EDDM13: variants seen among roughly 807,000 people sequenced by gnomAD.
EDDM13 encodes the protein epididymal protein 13.
A neutral mutation model predicts 17.8 loss-of-function variants in EDDM13; 24 were observed. The ratio of observed to expected loss-of-function variants is 1.35; its 90% CI spans 0.98 to 1.90. The LOEUF is 1.90. Among genes scored for constraint, EDDM13 ranks in the 40% most tolerant of loss-of-function variants. The probability of loss-of-function intolerance (pLI) is 0.00; values close to 1 mark genes in which losing one functional copy is unlikely to be tolerated. For missense variants in EDDM13, 97 were observed against 100.8 expected (o/e 0.96, Z 0.16); for synonymous variants, 31 against 37.5 (o/e 0.83, Z 0.63).
In EDDM13 at chr19:56,302,820, G is replaced by A. The variant is rs150178786; in HGVS notation, c.423+725G>A. On this transcript the variant is annotated intron_variant, in intron 13 of 14. Coordinates refer to ENST00000649256, the MANE Select transcript of EDDM13 (RefSeq NM_001354658.2). ...CACTCATTCTGCCTCTCTCTCTGCC[G>A]CTGTCTCTTGTTCTTTCTAAGGGAC... The A allele has an allele frequency of 2.5e-4, 98 of 398,572 alleles. No individual in the cohort carries two copies. The East Asian group carries it at 2.5e-3, about 10-fold the overall frequency. 24.7% of individuals were successfully genotyped at this position (398,572 alleles called of 1,614,324 possible). A position where few individuals can be genotyped will look rare whatever the true frequency, so the allele number is the denominator to read the frequency against.
chr19:56,294,447 C>T (rs1335088671), intron 9 of EDDM13, among the ~76,000 whole-genome samples: 1 of 152,176 alleles, frequency 6.6e-6, no homozygotes, highest in Non-Finnish European at 1.5e-5. Context: ...ATATTTTTTG[C>T]TTGTTTGAGA....
At chr19:56,279,562 G>A (rs1404644508) in intron 2 of EDDM13, among the ~76,000 whole-genome samples, 1 of 152,192 alleles carries the variant, frequency 6.6e-6, no homozygotes, top group Non-Finnish European at 1.5e-5. Context: ...AAAATCGTAA[G>A]TGTCCCATAT....
Position 56,310,451 on chromosome 19 carries a change from T to C in EDDM13, c.*303T>C, listed in dbSNP as rs917120616. The stretch of plus-strand genomic sequence containing the variant: ...ATAATAAAATGTATACTTGTTGAAA[T>C]GGCTGAAAAGGCTGGGTTATTCCAT... On this transcript the variant is annotated 3_prime_UTR_variant, in exon 15 of 15. Coordinates refer to ENST00000649256, the MANE Select transcript of EDDM13 (RefSeq NM_001354658.2). The C allele has an allele frequency of 6.6e-6, 1 of 152,382 alleles. No homozygotes were observed. The highest frequency in any genetic ancestry group is 2.4e-5 in the African/African-American group (1 of 41,600). The allele number at this position is 152,382 out of a possible 1,614,324, so 9.4% of individuals were successfully genotyped here.
chr19:56,276,335 A>C (rs540213515), intron 2 of EDDM13, among the ~76,000 whole-genome samples: 44 of 152,276 alleles, frequency 2.9e-4, no homozygotes, highest in African/African-American at 1.0e-3. Flanking sequence ...TGTCTGGGGA[A>C]GAGAGGCCTA....
At chr19:56,308,558 AG>A (rs2040846712) in intron 14 of EDDM13, among the ~76,000 whole-genome samples, 1 of 150,450 alleles carries the variant, frequency 6.6e-6, no homozygotes, top group African/African-American at 2.5e-5. Context: ...TCCTGACCTC[AG>A]GTGACCCACC....
chr19:56,293,855 C>CA (rs200839740), intron 9 of EDDM13, among the ~76,000 whole-genome samples: 4,304 of 152,128 alleles, frequency 0.028, 69 homozygotes, highest in Middle Eastern at 0.065. Flanking sequence ...ACCCCCACAA[C>CA]AAAAAAACTA....
chr19:56,290,194 C>T (rs2147146389), intron 8 of EDDM13, among the ~76,000 whole-genome samples: 1 of 152,330 alleles, frequency 6.6e-6, no homozygotes, highest in Non-Finnish European at 1.5e-5. Context: ...TTCTCAGGTG[C>T]TTCTGATGGT....
At chr19:56,304,893 C>T (rs1374424703) in intron 14 of EDDM13, 63 bp downstream of exon 14, 7 of 654,312 alleles carry the variant, frequency 1.1e-5, no homozygotes, top group Non-Finnish European at 1.3e-5. Flanking sequence ...GAGGTTCATC[C>T]CAACTGCCTG....
chr19:56,307,929 T>G (rs1017536094), intron 14 of EDDM13, among the ~76,000 whole-genome samples: 4 of 152,228 alleles, frequency 2.6e-5, no homozygotes, highest in Non-Finnish European at 4.4e-5. Flanking sequence ...CAAGTTCAGG[T>G]CTCTGGCATG....
At chr19:56,274,214 G>A (rs2038074951) in intron 1 of EDDM13, among the ~76,000 whole-genome samples, 1 of 152,122 alleles carries the variant, frequency 6.6e-6, no homozygotes, top group African/African-American at 2.4e-5. Context: ...AGCACTTTGG[G>A]AAGCCAAGGC....
intron 13 of EDDM13, among the ~76,000 whole-genome samples, chr19:56,302,595 T>TCC (rs1279966554): frequency 8.0e-5 from 3 of 37,452 alleles, no homozygotes; most frequent in Non-Finnish European, 1.3e-4. Context: ...TTTCTTCCTC[T>TCC]CCCTCTTCTT....
In EDDM13 at chr19:56,275,186, C is replaced by T. The variant is rs148572752; in HGVS notation, c.86-906C>T. Among the ~76,000 whole-genome samples the T allele has an allele frequency of 3.3e-4, 50 of 152,248 alleles. 1 individual carries two copies. In the South Asian group the frequency reaches 9.3e-3, roughly 28 times the overall value. On this transcript the variant is annotated intron_variant, in intron 1 of 14. Transcript: ENST00000649256. ...TTTCCCCCTTTGTAATTAATAAATA[C>T]GCTGGGGGAGAAATTTTGAGGCTAT...
intron 12 of EDDM13, among the ~76,000 whole-genome samples, chr19:56,298,947 T>C (rs1374401184): frequency 6.6e-6 from 1 of 152,174 alleles, no homozygotes; most frequent in Non-Finnish European, 1.5e-5. Flanking sequence ...GACTAAATAT[T>C]AGCAAGTGCA....
intron 2 of EDDM13, among the ~76,000 whole-genome samples, chr19:56,277,735 G>A (rs763003711): frequency 6.6e-6 from 1 of 151,922 alleles, no homozygotes; most frequent in Non-Finnish European, 1.5e-5. Context: ...AAAAAATAAG[G>A]ATAATAGAGA....
intron 1 of EDDM13, among the ~76,000 whole-genome samples, chr19:56,274,267 A>T (rs2038078808): frequency 6.6e-6 from 1 of 152,180 alleles, no homozygotes; most frequent in Non-Finnish European, 1.5e-5. Context: ...CAGCCTGGCC[A>T]ACATGGCGAA....
At chr19:56,285,473 T>C (rs891966202) in intron 6 of EDDM13, among the ~76,000 whole-genome samples, 2 of 152,234 alleles carry the variant, frequency 1.3e-5, no homozygotes, top group Non-Finnish European at 2.9e-5. Flanking sequence ...CTCTTTCAAA[T>C]ACCTGAGAAA....
At position 56,273,674 on chromosome 19, in the gene EDDM13, C is replaced by T. The variant is rs562530055; in HGVS notation, c.85+755C>T. On this transcript the variant is annotated intron_variant, in intron 1 of 14. Transcript: ENST00000649256. ...CTGAGTCCCTCCATCAGAGAGAGGC[C>T]GGTGTGTCAGGAACGTGGTAGGCAG... is the stretch of plus-strand genomic sequence containing the variant. 3.9e-4 allele frequency among the ~76,000 whole-genome samples: 60 copies of T among 152,072 alleles called. 1 individual carries two copies. The highest frequency in any genetic ancestry group is 3.4e-3 in the Middle Eastern group (1 of 294).
chr19:56,276,599 C>T (rs1050175738), intron 2 of EDDM13, among the ~76,000 whole-genome samples: 5 of 149,592 alleles, frequency 3.3e-5, no homozygotes, highest in African/African-American at 9.8e-5. Flanking sequence ...TGTAGTGGTG[C>T]GATCTGGGTT....
chr19:56,299,732 T>C (rs2040107483), intron 12 of EDDM13: 1 of 152,240 alleles, frequency 6.6e-6, no homozygotes. Flanking sequence ...TCCTTAGTTA[T>C]TGTACTGTTA....
Sources: gnomAD v4.1 joint callset for allele counts (sites outside exome capture counted in the v4.1 genomes callset) on GRCh38, gnomAD v4.1.1 for gene constraint, MANE v1.5 for transcripts, NCBI Gene and HGNC (gene_info 2026-07-23, HGNC 2026-07-21) for gene names.